NUBPL: variants seen among roughly 807,000 people sequenced by gnomAD.
NUBPL encodes iron-sulfur cluster transfer protein NUBPL.
Under a neutral mutation model 45.7 loss-of-function variants are expected in NUBPL, and 31 were observed. The observed-to-expected ratio is 0.68, with a 90% confidence interval of 0.51 to 0.92. The LOEUF (loss-of-function observed/expected upper bound fraction) is 0.92, where lower values mean the gene tolerates loss of function less well. Among genes scored for constraint, NUBPL ranks in the 40% least tolerant of loss-of-function variants. The probability of loss-of-function intolerance (pLI) is 0.00; values close to 1 mark genes in which losing one functional copy is unlikely to be tolerated. For synonymous variants in NUBPL, 144 were observed against 140.9 expected, an observed-to-expected ratio of 1.02 and a Z score of -0.15; for missense variants, 401 against 398.7, an observed-to-expected ratio of 1.01 and a Z score of -0.05.
At chr14:31,574,270 T>A (rs2033661788) in intron 3 of NUBPL, among the ~76,000 whole-genome samples, 1 of 148,844 alleles carries the variant, frequency 6.7e-6, no homozygotes, top group Non-Finnish European at 1.5e-5. Context: ...CAAAAAAAAT[T>A]TTTTTTTTTT....
chr14:31,749,042 G>A (rs1175879023), intron 6 of NUBPL, among the ~76,000 whole-genome samples: 2 of 151,956 alleles, frequency 1.3e-5, no homozygotes, highest in African/African-American at 4.8e-5. Context: ...GTTTTTTGTG[G>A]GCAAAATATA....
intron 6 of NUBPL, among the ~76,000 whole-genome samples, chr14:31,737,430 C>G (rs997883552): frequency 6.6e-6 from 1 of 152,020 alleles, no homozygotes; most frequent in Non-Finnish European, 1.5e-5. Context: ...GTGATCACCA[C>G]TCTAACCTTT....
chr14:31,592,372 T>C (rs1010900589), intron 3 of NUBPL, among the ~76,000 whole-genome samples: 2 of 152,102 alleles, frequency 1.3e-5, no homozygotes, highest in Non-Finnish European at 2.9e-5. Context: ...TTTACAGGAA[T>C]GAAATGGGAG....
intron 4 of NUBPL, among the ~76,000 whole-genome samples, chr14:31,632,705 T>C (rs1239079102): frequency 6.6e-6 from 1 of 152,222 alleles, no homozygotes; most frequent in Non-Finnish European, 1.5e-5. Flanking sequence ...TCCAGAGTTG[T>C]TTAAACTCAT....
At chr14:31,785,810 T>C (rs1388380043) in intron 6 of NUBPL, among the ~76,000 whole-genome samples, 5 of 152,194 alleles carry the variant, frequency 3.3e-5, no homozygotes, top group Non-Finnish European at 7.3e-5. Context: ...AATAGATGTG[T>C]TGACATATGA....
intron 4 of NUBPL, among the ~76,000 whole-genome samples, chr14:31,651,763 G>A (rs2036011346): frequency 6.6e-6 from 1 of 151,966 alleles, no homozygotes; most frequent in Non-Finnish European, 1.5e-5. Context: ...GCCAGGTGTG[G>A]TGGTGGGTGC....
Position 31,846,504 on chromosome 14 carries a change from C to G in NUBPL, c.727C>G (p.Gln243Glu). Residue 243 changes from glutamine (Q) to glutamate (E), a missense_variant, in exon 9 of 11, where the codon CAG becomes GAG. Coordinates refer to ENST00000281081, the MANE Select transcript of NUBPL (RefSeq NM_025152.3). Reference sequence around the variant, plus strand: ...CCTTGTCCAAAACATGAGTGTTTTCCAGTGTCCAAAATGTAAACACAAAAC... The same window carrying G: ...CCTTGTCCAAAACATGAGTGTTTTCGAGTGTCCAAAATGTAAACACAAAAC... ...LGLVQNMSVF[Q>E]CPKCKHKTHI... 1 of 1,612,858 alleles carries G rather than the reference C, an allele frequency of 6.2e-7. No individual in the cohort carries two copies. The highest frequency in any genetic ancestry group is 8.5e-7 in the Non-Finnish European group (1 of 1,179,436).
chr14:31,698,854 C>T (rs543094314), intron 6 of NUBPL, among the ~76,000 whole-genome samples: 3 of 150,924 alleles, frequency 2.0e-5, no homozygotes, highest in East Asian at 3.9e-4. Flanking sequence ...TAGTGACTTA[C>T]ACTTTTTTTT....
chr14:31,787,269 C>T (rs2039301345), intron 6 of NUBPL, among the ~76,000 whole-genome samples: 1 of 151,748 alleles, frequency 6.6e-6, no homozygotes, highest in African/African-American at 2.4e-5. Context: ...TAAATAAATG[C>T]CTTGAAAGAA....
intron 6 of NUBPL, among the ~76,000 whole-genome samples, chr14:31,723,973 A>G (rs1209228832): frequency 1.3e-5 from 2 of 152,166 alleles, no homozygotes; most frequent in Non-Finnish European, 2.9e-5. Flanking sequence ...AGGACTTCCA[A>G]TACTAAGTTG....
intron 7 of NUBPL, among the ~76,000 whole-genome samples, chr14:31,792,224 G>A (rs2039395373): frequency 6.6e-6 from 1 of 152,000 alleles, no homozygotes; most frequent in South Asian, 2.1e-4. Context: ...TCTAATCTAG[G>A]TAATCCCTGA....
At chr14:31,792,535 T>C (rs998506832) in intron 7 of NUBPL, among the ~76,000 whole-genome samples, 3 of 152,122 alleles carry the variant, frequency 2.0e-5, no homozygotes, top group Non-Finnish European at 4.4e-5. Context: ...GCTGTCTGTA[T>C]AGAGTTGTAG....
At chr14:31,821,367 A>T (rs1476413376) in intron 7 of NUBPL, among the ~76,000 whole-genome samples, 3 of 152,234 alleles carry the variant, frequency 2.0e-5, no homozygotes, top group African/African-American at 7.2e-5. Flanking sequence ...CCTGTTTAAA[A>T]ATTGGCAAAA....
chr14:31,792,665 A>C (rs532053054), intron 7 of NUBPL, among the ~76,000 whole-genome samples: 141 of 152,290 alleles, frequency 9.3e-4, no homozygotes, highest in African/African-American at 3.3e-3. Flanking sequence ...ATAATTATAA[A>C]AAATAGCAGC....
At chr14:31,826,577 A>T in intron 7 of NUBPL, 52 bp from the exon 8 acceptor site, 1 of 1,516,516 alleles carries the variant, frequency 6.6e-7, no homozygotes. Flanking sequence ...GCTGGAAGTA[A>T]TTTCTCCATA....
chr14:31,826,365 C>T (rs1036325962), intron 7 of NUBPL, among the ~76,000 whole-genome samples: 1 of 152,152 alleles, frequency 6.6e-6, no homozygotes, highest in Non-Finnish European at 1.5e-5. Context: ...AAACGATCTG[C>T]CCACCTCGGC....
At chr14:31,827,314 A>T (rs945487172) in intron 8 of NUBPL, among the ~76,000 whole-genome samples, 4 of 151,794 alleles carry the variant, frequency 2.6e-5, no homozygotes, top group African/African-American at 9.7e-5. Context: ...GAAAAGAAAA[A>T]TAGTACCATT....
intron 6 of NUBPL, among the ~76,000 whole-genome samples, chr14:31,753,267 A>C (rs2038573327): frequency 6.6e-6 from 1 of 152,186 alleles, no homozygotes; most frequent in Non-Finnish European, 1.5e-5. Context: ...TGCCAGTGGC[A>C]GAAGGTGGCA....
At chr14:31,639,885 T>C (rs2035630859) in intron 4 of NUBPL, among the ~76,000 whole-genome samples, 1 of 151,942 alleles carries the variant, frequency 6.6e-6, no homozygotes, top group Non-Finnish European at 1.5e-5. Flanking sequence ...GATGGGATTA[T>C]ATCCAGGTGC....
Sources: allele counts gnomAD v4.1 joint callset (sites outside exome capture counted in the v4.1 genomes callset), GRCh38; gene constraint gnomAD v4.1.1; transcripts MANE v1.5; gene names NCBI Gene and HGNC (gene_info 2026-07-23, HGNC 2026-07-21).